The following CCDC91 variants were observed in gnomAD, a reference collection of about 807,000 sequenced individuals.
The protein encoded by CCDC91 is coiled-coil domain-containing protein 91.
A neutral mutation model predicts 63.2 loss-of-function variants in CCDC91; 48 were observed. That is an observed-to-expected ratio of 0.76 (90% CI 0.60 to 0.97). The LOEUF (loss-of-function observed/expected upper bound fraction) is 0.97. CCDC91 is among the 50% of genes least tolerant of loss of function. The pLI, the probability that CCDC91 is intolerant of heterozygous loss-of-function variation, is 0.00. For synonymous variants in CCDC91, 167 were observed against 165.8 expected (o/e 1.01, Z -0.06); for missense variants, 500 against 494.6 (o/e 1.01, Z -0.10).
At chr12:28,421,654 C>T (rs1948022208) in intron 8 of CCDC91, among the ~76,000 whole-genome samples, 1 of 151,386 alleles carries the variant, frequency 6.6e-6, no homozygotes, top group Admixed American at 6.6e-5. Context: ...CATTGATGGG[C>T]ATTTAGGATG....
rs3847683 is a variant in CCDC91 at position 28,243,516 on chromosome 12, C to G, written c.-14-13686C>G. On this transcript the variant is annotated intron_variant, in intron 1 of 12. Transcript: ENST00000536442. ...TTGGTATACGTAAATTAGTACCTCT[C>G]CTATTAAAGTGGGAAATTTTAAATT... Among the ~76,000 whole-genome samples the G allele has an allele frequency of 7.2e-5, 11 of 152,256 alleles. No individual in the cohort carries two copies. In the South Asian group the frequency reaches 2.3e-3, roughly 32 times the overall value.
intron 11 of CCDC91, among the ~76,000 whole-genome samples, chr12:28,472,584 ATGTT>A (rs1407865992): frequency 2.0e-5 from 3 of 152,160 alleles, no homozygotes; most frequent in Non-Finnish European, 4.4e-5. Flanking sequence ...TTGGTCACAA[ATGTT>A]TGTTAGTTGG....
In CCDC91 at chr12:28,517,748, C is replaced by G. The variant is rs543699853; in HGVS notation, c.1216-31315C>G. ...GTGCACCCATCACCCAAGCAGTATA[C>G]ACTGCACCCAATTTGTAGTCTTTTA... is the stretch of plus-strand genomic sequence containing the variant. On this transcript the variant is annotated intron_variant, in intron 12 of 12. Coordinates refer to ENST00000536442, the MANE Select transcript of CCDC91 (RefSeq NM_018318.5). Among the ~76,000 whole-genome samples, 27 of 151,958 alleles carry G rather than the reference C, an allele frequency of 1.8e-4. No homozygotes were observed. In the East Asian group the frequency reaches 3.9e-3, roughly 22 times the overall value.
At chr12:28,421,308 A>T (rs1281453969) in intron 8 of CCDC91, among the ~76,000 whole-genome samples, 1 of 152,080 alleles carries the variant, frequency 6.6e-6, no homozygotes, top group Non-Finnish European at 1.5e-5. Flanking sequence ...TTTTGCACCC[A>T]GGTAATAAGC....
At chr12:28,403,888 A>G (rs1946778703) in intron 8 of CCDC91, among the ~76,000 whole-genome samples, 1 of 151,938 alleles carries the variant, frequency 6.6e-6, no homozygotes, top group Admixed American at 6.6e-5. Context: ...TTCATTTCTG[A>G]CATTAGTAAT....
At chr12:28,401,493 A>G (rs1200708340) in intron 8 of CCDC91, among the ~76,000 whole-genome samples, 1 of 152,116 alleles carries the variant, frequency 6.6e-6, no homozygotes, top group East Asian at 1.9e-4. Context: ...ACACCATATC[A>G]GGAGGCCTCA....
chr12:28,290,198 G>C (rs1208631513), intron 3 of CCDC91, among the ~76,000 whole-genome samples: 1 of 151,980 alleles, frequency 6.6e-6, no homozygotes, highest in Non-Finnish European at 1.5e-5. Context: ...CTCCTGTGTT[G>C]GTCGCATATA....
At chr12:28,511,447 A>G (rs892709885) in intron 12 of CCDC91, among the ~76,000 whole-genome samples, 5 of 151,508 alleles carry the variant, frequency 3.3e-5, no homozygotes, top group Non-Finnish European at 5.9e-5. Context: ...CCAATGCATT[A>G]TTTTTTTTCC....
chr12:28,423,738 T>C (rs1948146911), intron 8 of CCDC91, among the ~76,000 whole-genome samples: 1 of 152,148 alleles, frequency 6.6e-6, no homozygotes, highest in Non-Finnish European at 1.5e-5. Context: ...TTAATATTTT[T>C]TAACAGTGAG....
chr12:28,405,476 T>C (rs1214140798), intron 8 of CCDC91, among the ~76,000 whole-genome samples: 2 of 152,172 alleles, frequency 1.3e-5, no homozygotes, highest in Non-Finnish European at 2.9e-5. Flanking sequence ...CTCAGATGCT[T>C]TTTCCATGTT....
intron 7 of CCDC91, among the ~76,000 whole-genome samples, chr12:28,368,968 C>T (rs1337025573): frequency 6.6e-6 from 1 of 152,134 alleles, no homozygotes; most frequent in Admixed American, 6.5e-5. Flanking sequence ...CCAAGGCCCT[C>T]CCCTGACACA....
intron 6 of CCDC91, among the ~76,000 whole-genome samples, chr12:28,333,663 G>A (rs1190526282): frequency 6.6e-6 from 1 of 151,994 alleles, no homozygotes; most frequent in Non-Finnish European, 1.5e-5. Context: ...GGGAATCTCG[G>A]CTTTCATTAT....
chr12:28,386,531 A>G (rs1279639156), intron 7 of CCDC91, among the ~76,000 whole-genome samples: 1 of 151,840 alleles, frequency 6.6e-6, no homozygotes, highest in Non-Finnish European at 1.5e-5. Context: ...ACGATGCCCC[A>G]CTAATTTTTG....
At chr12:28,379,448 T>C (rs1242451479) in intron 7 of CCDC91, among the ~76,000 whole-genome samples, 1 of 141,492 alleles carries the variant, frequency 7.1e-6, no homozygotes, top group Non-Finnish European at 1.5e-5. Context: ...CTCAAACAAA[T>C]TTACAAAAAA....
At chr12:28,427,914 T>A (rs1427784495) in intron 8 of CCDC91, among the ~76,000 whole-genome samples, 1 of 152,166 alleles carries the variant, frequency 6.6e-6, no homozygotes, top group East Asian at 1.9e-4. Context: ...TTTTCTTAGA[T>A]TAAAAGCTTT....
chr12:28,230,689 A>G lies in CCDC91; in HGVS notation c.-14-26513A>G, dbSNP rs372616307. Among the ~76,000 whole-genome samples, 18 of 152,188 alleles carry G rather than the reference A, an allele frequency of 1.2e-4. No individual in the cohort carries two copies. The East Asian group carries it at 1.5e-3, about 13-fold the overall frequency. On this transcript the variant is annotated intron_variant, in intron 1 of 12. Transcript: ENST00000536442. Reference sequence around the variant, plus strand: ...ACCCAGGCTGGAGTGCAGTGGTGTGATCATGGCTCACTGCAGCCTCCACCT... The same window carrying G: ...ACCCAGGCTGGAGTGCAGTGGTGTGGTCATGGCTCACTGCAGCCTCCACCT...
intron 7 of CCDC91, among the ~76,000 whole-genome samples, chr12:28,366,821 T>C (rs1944306211): frequency 6.6e-6 from 1 of 152,106 alleles, no homozygotes; most frequent in Non-Finnish European, 1.5e-5. Flanking sequence ...TGTGGTACCC[T>C]TACTCCTCAC....
At chr12:28,523,953 G>A (rs959807366) in intron 12 of CCDC91, among the ~76,000 whole-genome samples, 3 of 151,640 alleles carry the variant, frequency 2.0e-5, no homozygotes, top group African/African-American at 7.3e-5. Flanking sequence ...CACTGTGAAC[G>A]CCACAAAGAT....
chr12:28,383,624 C>G (rs1945425842), intron 7 of CCDC91, among the ~76,000 whole-genome samples: 1 of 152,056 alleles, frequency 6.6e-6, no homozygotes, highest in Admixed American at 6.6e-5. Context: ...GACCATGATC[C>G]TGGACTTGAA....
Sources: allele counts gnomAD v4.1 joint callset (sites outside exome capture counted in the v4.1 genomes callset), GRCh38; gene constraint gnomAD v4.1.1; transcripts MANE v1.5; gene names NCBI Gene and HGNC (gene_info 2026-07-23, HGNC 2026-07-21).